TENM4: variants seen among roughly 807,000 people sequenced by gnomAD.
TENM4 encodes the protein teneurin transmembrane protein 4, also known as teneurin-4.
Under a neutral mutation model 243.3 loss-of-function variants are expected in TENM4, and 82 were observed. That is an observed-to-expected ratio of 0.34 (90% confidence interval 0.28 to 0.40). The LOEUF (loss-of-function observed/expected upper bound fraction) is 0.40, where lower values mean the gene tolerates loss of function less well. Ranked by LOEUF, TENM4 falls within the 10% of genes least tolerant of loss-of-function variation. The probability of loss-of-function intolerance (pLI) is 1.00; values close to 1 mark genes in which losing one functional copy is unlikely to be tolerated. For missense variants in TENM4, 3,138 were observed against 3,673.3 expected (o/e 0.85, Z 3.77); for synonymous variants, 1,412 against 1,456.3 (o/e 0.97, Z 0.69).
chr11:79,165,890 T>C (rs770384501), intron 3 of TENM4, among the ~76,000 whole-genome samples: 30 of 152,332 alleles, frequency 2.0e-4, no homozygotes, highest in South Asian at 8.3e-4. Context: ...ATTTGTTGAA[T>C]AGGGTGTCCT....
chr11:79,374,380 T>A (rs1369906505), intron 1 of TENM4, among the ~76,000 whole-genome samples: 1 of 152,102 alleles, frequency 6.6e-6, no homozygotes, highest in African/African-American at 2.4e-5. Context: ...CACATCGACA[T>A]AGAAACTAAG....
intron 30 of TENM4, among the ~76,000 whole-genome samples, chr11:78,674,717 C>T (rs933268129): frequency 5.9e-5 from 9 of 152,086 alleles, no homozygotes; most frequent in Admixed American, 4.6e-4. Context: ...AGGCCTTCCT[C>T]GGGGAGCTAG....
intron 4 of TENM4, among the ~76,000 whole-genome samples, chr11:79,078,186 C>T (rs1860580008): frequency 6.6e-6 from 1 of 152,224 alleles, no homozygotes; most frequent in Admixed American, 6.5e-5. Flanking sequence ...TCAGATACAG[C>T]CAGAAACGAG....
chr11:78,657,480 T>C lies in TENM4; in HGVS notation c.*578A>G, dbSNP rs758747930. 6.3e-6 allele frequency: 2 copies of C among 317,130 alleles called. No individual in the cohort carries two copies. The highest frequency in any genetic ancestry group is 1.1e-5 in the Non-Finnish European group (2 of 174,738). 19.6% of individuals were successfully genotyped at this position (317,130 alleles called of 1,614,324 possible). Reference sequence around the variant, plus strand: ...AATTCCCTGGAGCAAGATGAAGCCATCTATGATCCTCTGGAGGCAGAGAAC... The same window carrying C: ...AATTCCCTGGAGCAAGATGAAGCCACCTATGATCCTCTGGAGGCAGAGAAC... On this transcript the variant is annotated 3_prime_UTR_variant, in exon 34 of 34. Coordinates refer to ENST00000278550, the MANE Select transcript of TENM4 (RefSeq NM_001098816.3).
At chr11:78,665,258 C>CT (rs200038138) in intron 32 of TENM4, among the ~76,000 whole-genome samples, 26 of 123,630 alleles carry the variant, frequency 2.1e-4, no homozygotes, top group South Asian at 7.9e-4. Context: ...TTTTCTTTTT[C>CT]TTTTTTTTTC....
intron 1 of TENM4, among the ~76,000 whole-genome samples, chr11:79,346,672 G>C (rs1857331295): frequency 6.6e-6 from 1 of 152,188 alleles, no homozygotes; most frequent in Non-Finnish European, 1.5e-5. Flanking sequence ...AAGCAAAGGA[G>C]AGCTGGAGCT....
At chr11:78,869,658 G>A (rs890502512) in intron 9 of TENM4, among the ~76,000 whole-genome samples, 3 of 152,064 alleles carry the variant, frequency 2.0e-5, no homozygotes, top group African/African-American at 7.2e-5. Flanking sequence ...GCTCAGAAAG[G>A]CTCCTCAGCT....
intron 21 of TENM4, among the ~76,000 whole-genome samples, 190 bp downstream of exon 21, chr11:78,732,126 A>T (rs921990261): frequency 6.6e-6 from 1 of 152,152 alleles, no homozygotes; most frequent in African/African-American, 2.4e-5. Flanking sequence ...CATGTGTAAG[A>T]GGGGTGCCCC....
rs1343496468 is a variant in TENM4, at chr11:79,164,246, GTATATATAGTATATAGATATA to G, written c.-162-15461_-162-15441del. ...TACTATACTATATACAGTATATATA[GTATATATAGTATATAGATATA>G]CTAGTATATATAGTATATAGATATA... On this transcript the variant is annotated intron_variant, in intron 3 of 33. Transcript: ENST00000278550. Among the ~76,000 whole-genome samples the G allele has an allele frequency of 1.5e-4, 16 of 106,230 alleles. 1 individual carries two copies. The highest frequency in any genetic ancestry group is 8.4e-4 in the African/African-American group (16 of 19,132). 69.7% of individuals were successfully genotyped at this position (106,230 alleles called of 152,430 possible).
chr11:78,865,731 C>T lies in TENM4; in HGVS notation c.1085-2599G>A, dbSNP rs559447041. The stretch of plus-strand genomic sequence containing the variant: ...TCTGCTTCAGCCAGGAGGCCACGCT[C>T]GGGTGAAAGCAACGAGATCCGACAC... On this transcript the variant is annotated intron_variant, in intron 9 of 33. Transcript: ENST00000278550. Among the ~76,000 whole-genome samples, 48 of 152,188 alleles carry T rather than the reference C, an allele frequency of 3.2e-4. 1 individual carries two copies. The highest frequency in any genetic ancestry group is 1.9e-3 in the East Asian group (10 of 5,164).
chr11:78,708,433 G>A lies in TENM4; in HGVS notation c.4137C>T (p.Ser1379=). 1 of 1,614,056 alleles carries A rather than the reference G, an allele frequency of 6.2e-7. No homozygotes were observed. The highest frequency in any genetic ancestry group is 8.5e-7 in the Non-Finnish European group (1 of 1,179,902). ...TGAGATCATTAGAGCCGAGCAGGGT[G>A]GAGATGATCCCATTCTGATCGATGC... The part of the protein sequence containing the change: ...IRRIDQNGII[S]TLLGSNDLTS... The change falls in exon 27 of 34, where the codon TCC becomes TCT. Residue 1379 remains serine, a synonymous_variant. Coordinates refer to ENST00000278550, the MANE Select transcript of TENM4 (RefSeq NM_001098816.3).
chr11:79,225,998 A>T (rs1339007842), intron 2 of TENM4, among the ~76,000 whole-genome samples: 12 of 152,316 alleles, frequency 7.9e-5, no homozygotes, highest in Admixed American at 5.2e-4. Flanking sequence ...CTGTCCAAAC[A>T]TGTCCCCAGA....
chr11:78,944,619 G>C (rs1856972858), intron 6 of TENM4, among the ~76,000 whole-genome samples: 1 of 152,214 alleles, frequency 6.6e-6, no homozygotes, highest in Non-Finnish European at 1.5e-5. Context: ...CCCTTGGTCT[G>C]TCATTCCTGG....
intron 1 of TENM4, among the ~76,000 whole-genome samples, chr11:79,392,641 A>T (rs377274313): frequency 3.9e-5 from 6 of 152,318 alleles, no homozygotes; most frequent in African/African-American, 1.4e-4. Context: ...GTGACACAGC[A>T]GGGATAAATA....
At chr11:78,668,388 G>A (rs1484452529) in intron 32 of TENM4, among the ~76,000 whole-genome samples, 2 of 152,072 alleles carry the variant, frequency 1.3e-5, no homozygotes, top group Non-Finnish European at 2.9e-5. Context: ...TGGAATTCAG[G>A]GCAGTTAAAT....
rs190119621 is a variant in TENM4, at chr11:79,398,442, C to T, written c.-321+42067G>A. Among the ~76,000 whole-genome samples the T allele has an allele frequency of 6.6e-3, 1,010 of 152,210 alleles. 9 individuals are homozygous for T. The highest frequency in any genetic ancestry group is 0.011 in the Admixed American group (162 of 15,292). The stretch of plus-strand genomic sequence containing the variant: ...ACTGCAACTTACAAACTGCATGACC[C>T]TGGGCAGACCATCTAACCTCTCTAT... On this transcript the variant is annotated intron_variant, in intron 1 of 33. Coordinates refer to ENST00000278550, the MANE Select transcript of TENM4 (RefSeq NM_001098816.3).
intron 6 of TENM4, among the ~76,000 whole-genome samples, chr11:78,924,268 C>T (rs1050887378): frequency 6.6e-6 from 1 of 152,190 alleles, no homozygotes; most frequent in Non-Finnish European, 1.5e-5. Context: ...GGGAAACTGG[C>T]CTGAGTATGG....
At chr11:79,090,796 C>T (rs1291996408) in intron 4 of TENM4, among the ~76,000 whole-genome samples, 1 of 152,178 alleles carries the variant, frequency 6.6e-6, no homozygotes, top group Admixed American at 6.5e-5. Flanking sequence ...TCCTAAGTTC[C>T]CTATTCAACC....
At chr11:79,034,209 A>G (rs760859868) in intron 6 of TENM4, among the ~76,000 whole-genome samples, 1 of 152,240 alleles carries the variant, frequency 6.6e-6, no homozygotes, top group Non-Finnish European at 1.5e-5. Context: ...TGAAGGCTCA[A>G]TTTCAAAGAA....
Sources: allele counts gnomAD v4.1 joint callset (sites outside exome capture counted in the v4.1 genomes callset), GRCh38; gene constraint gnomAD v4.1.1; transcripts MANE v1.5; gene names NCBI Gene and HGNC (gene_info 2026-07-23, HGNC 2026-07-21).